MYO1H: variants seen among roughly 807,000 people sequenced by gnomAD.
MYO1H encodes myosin IH.
In MYO1H, 118 loss-of-function variants were observed where a neutral mutation model predicts 149.3. That is an observed-to-expected ratio of 0.79 (90% CI 0.68 to 0.92). The LOEUF is 0.92. MYO1H is among the 40% of genes least tolerant of loss of function. The pLI is 0.00. For missense variants in MYO1H, 1,212 were observed against 1,280.7 expected (o/e 0.95, Z 0.82); for synonymous variants, 447 against 465.2 (o/e 0.96, Z 0.50).
At chr12:109,318,431 A>T in the MYO1H span, among the ~76,000 whole-genome samples, 1 of 152,124 alleles carries the variant, frequency 6.6e-6, no homozygotes, top group African/African-American at 2.4e-5. Flanking sequence ...CAGAGTATGG[A>T]GAGGAATAAA....
intron 7 of MYO1H, among the ~76,000 whole-genome samples, chr12:109,405,642 G>GA (rs1870345102): frequency 6.6e-6 from 1 of 152,196 alleles, no homozygotes; most frequent in Non-Finnish European, 1.5e-5. Context: ...TTTATTTTAT[G>GA]AAAAATCCAT....
chr12:109,395,305 G>A (rs577538846), intron 3 of MYO1H, among the ~76,000 whole-genome samples: 1 of 152,132 alleles, frequency 6.6e-6, no homozygotes, highest in Non-Finnish European at 1.5e-5. Flanking sequence ...TTATTGAATT[G>A]AATTATTTAG....
Position 109,366,604 on chromosome 12 carries a change from C to T in MYO1H, c.12+18632C>T, listed in dbSNP as rs115316983. 9.6e-3 allele frequency among the ~76,000 whole-genome samples: 1,456 copies of T among 152,304 alleles called. 20 individuals are homozygous for T. The highest frequency in any genetic ancestry group is 0.033 in the African/African-American group (1,367 of 41,560). On this transcript the variant is annotated intron_variant, in intron 1 of 31. Transcript: ENST00000310903. ...TCCTTGCCAAAGAACGGGAAGCTCC[C>T]TGTGCCAGACTAATCAGTGACTCTC... is the stretch of plus-strand genomic sequence containing the variant.
chr12:109,339,467 A>C, the MYO1H span, among the ~76,000 whole-genome samples: 1 of 152,246 alleles, frequency 6.6e-6, no homozygotes, highest in Non-Finnish European at 1.5e-5. Flanking sequence ...TTGATGAACA[A>C]AATTCTAACC....
intron 26 of MYO1H, among the ~76,000 whole-genome samples, 196 bp downstream of exon 26, chr12:109,441,904 G>A (rs1033958659): frequency 2.0e-5 from 3 of 152,104 alleles, no homozygotes; most frequent in African/African-American, 4.8e-5. Flanking sequence ...AATATTAGCA[G>A]GGCGTGGTGG....
intron 2 of MYO1H, among the ~76,000 whole-genome samples, chr12:109,390,172 C>T (rs73192514): frequency 0.034 from 5,202 of 151,302 alleles, 119 homozygotes; most frequent in Middle Eastern, 0.067. Context: ...TGATTTTTGT[C>T]CTGGAGATTG....
chr12:109,335,195 G>T, the MYO1H span, among the ~76,000 whole-genome samples: 2 of 152,080 alleles, frequency 1.3e-5, no homozygotes, highest in Admixed American at 1.3e-4. Flanking sequence ...CTGATTTGGG[G>T]CTATTATGAA....
At chr12:109,401,395 G>T (rs1346859105) in intron 6 of MYO1H, 123 bp downstream of exon 6, 1 of 967,640 alleles carries the variant, frequency 1.0e-6, no homozygotes. Context: ...CCTATTGGCT[G>T]ATTTCTCCAT....
chr12:109,367,342 C>T (rs1868885642), intron 1 of MYO1H, among the ~76,000 whole-genome samples: 1 of 151,994 alleles, frequency 6.6e-6, no homozygotes, highest in African/African-American at 2.4e-5. Context: ...ATACAAAAGC[C>T]CGTCACCTGT....
intron 3 of MYO1H, among the ~76,000 whole-genome samples, chr12:109,395,769 A>G (rs1424483506): frequency 1.3e-5 from 2 of 150,978 alleles, no homozygotes; most frequent in Non-Finnish European, 2.9e-5. Flanking sequence ...TCTTCCTTTT[A>G]GCTCTTCTAC....
chr12:109,438,476 G>A lies in MYO1H; in HGVS notation c.2210-60G>A, dbSNP rs921081402. 3.7e-6 allele frequency: 5 copies of A among 1,342,012 alleles called. No individual in the cohort carries two copies. In the African/African-American group the frequency reaches 5.7e-5, roughly 15 times the overall value. The allele number at this position is 1,342,012 out of a possible 1,614,324, so 83.1% of individuals were successfully genotyped here. A position where few individuals can be genotyped will look rare whatever the true frequency, so the allele number is the denominator to read the frequency against. The stretch of plus-strand genomic sequence containing the variant: ...TGAATGGACAAAGCCTTCTGGAAAA[G>A]CCTTCTGTATTTCCATACGATTGTG... On this transcript the variant is annotated intron_variant, in intron 22 of 31. Coordinates refer to ENST00000310903, the Ensembl canonical transcript of MYO1H.
At chr12:109,417,196 C>T (rs1566034957) in intron 15 of MYO1H, among the ~76,000 whole-genome samples, 1 of 152,160 alleles carries the variant, frequency 6.6e-6, no homozygotes, top group South Asian at 2.1e-4. Context: ...TATGTTAACT[C>T]TATGCTTAAC....
the MYO1H span, among the ~76,000 whole-genome samples, chr12:109,326,891 C>G: frequency 6.6e-6 from 1 of 152,000 alleles, no homozygotes; most frequent in Non-Finnish European, 1.5e-5. Flanking sequence ...CTATTGTGAC[C>G]ATCTTTGGAA....
chr12:109,337,083 G>A, the MYO1H span, among the ~76,000 whole-genome samples: 2 of 152,154 alleles, frequency 1.3e-5, no homozygotes, highest in African/African-American at 4.8e-5. Context: ...CACAGTCGTT[G>A]GAGGGAAGGA....
intron 1 of MYO1H, among the ~76,000 whole-genome samples, chr12:109,353,823 T>G (rs1868521834): frequency 6.6e-6 from 1 of 152,100 alleles, no homozygotes; most frequent in African/African-American, 2.4e-5. Context: ...GGCTAATTTT[T>G]TTTTATTTTT....
intron 22 of MYO1H, among the ~76,000 whole-genome samples, chr12:109,437,551 T>C (rs557660358): frequency 6.6e-6 from 1 of 152,298 alleles, no homozygotes; most frequent in South Asian, 2.1e-4. Context: ...AAGTCTGCCA[T>C]GGTAGCAGGA....
At chr12:109,361,923 T>A (rs141910606) in intron 1 of MYO1H, among the ~76,000 whole-genome samples, 135 of 152,026 alleles carry the variant, frequency 8.9e-4, no homozygotes, top group African/African-American at 3.1e-3. Context: ...CCTGTTGTTG[T>A]TAATCTTGCA....
At chr12:109,442,464 T>C (rs186506680) in intron 27 of MYO1H, among the ~76,000 whole-genome samples, 192 bp downstream of exon 27, 1 of 152,318 alleles carries the variant, frequency 6.6e-6, no homozygotes, top group East Asian at 1.9e-4. Flanking sequence ...ATGGCTGCTG[T>C]TCTCATGACA....
chr12:109,383,741 G>A (rs1032035355), intron 1 of MYO1H, among the ~76,000 whole-genome samples: 18 of 152,186 alleles, frequency 1.2e-4, no homozygotes, highest in Admixed American at 7.9e-4. Flanking sequence ...TTGTAAATGT[G>A]GGGAAGTCCA....
Sources: gnomAD v4.1 joint callset for allele counts (sites outside exome capture counted in the v4.1 genomes callset) on GRCh38, gnomAD v4.1.1 for gene constraint, MANE v1.5 for transcripts, NCBI Gene and HGNC (gene_info 2026-07-23, HGNC 2026-07-21) for gene names.